GNG7: variants seen among roughly 807,000 people sequenced by gnomAD.
The protein encoded by GNG7 is guanine nucleotide-binding protein G(I)/G(S)/G(O) subunit gamma-7.
GNG7 carries 1 observed loss-of-function variant against 4.0 expected under a neutral mutation model. That is an observed-to-expected ratio of 0.25 (90% CI 0.09 to 1.18). The LOEUF (loss-of-function observed/expected upper bound fraction) is 1.18, where lower values mean the gene tolerates loss of function less well. Among genes scored for constraint, GNG7 ranks in the 50% most tolerant of loss-of-function variants. The probability of loss-of-function intolerance (pLI) is 0.50; values close to 1 mark genes in which losing one functional copy is unlikely to be tolerated. For synonymous variants in GNG7, 34 were observed against 36.9 expected (o/e 0.92, Z 0.29); for missense variants, 86 against 91.9 (o/e 0.94, Z 0.26).
At chr19:2,568,976 AACATAC>A (rs1262411124) in intron 2 of GNG7, among the ~76,000 whole-genome samples, 2 of 151,878 alleles carry the variant, frequency 1.3e-5, no homozygotes, top group African/African-American at 4.8e-5. Flanking sequence ...TGTGCACAAA[AACATAC>A]ACATACACAT....
At chr19:2,576,038 C>A (rs113974014) in intron 2 of GNG7, among the ~76,000 whole-genome samples, 1 of 75,110 alleles carries the variant, frequency 1.3e-5, no homozygotes, top group Non-Finnish European at 2.4e-5. Flanking sequence ...CACACAGACA[C>A]ACACAGACAC....
chr19:2,686,753 CTTTT>C (rs1224590104), intron 1 of GNG7, among the ~76,000 whole-genome samples: 3 of 140,436 alleles, frequency 2.1e-5, no homozygotes, highest in Admixed American at 7.2e-5. Context: ...TTTTTTCTTT[CTTTT>C]TTTTTTTTTT....
At chr19:2,576,229 C>T (rs1980334963) in intron 2 of GNG7, among the ~76,000 whole-genome samples, 1 of 152,264 alleles carries the variant, frequency 6.6e-6, no homozygotes, top group South Asian at 2.1e-4. Context: ...AGTGGGGCGG[C>T]CTCGGATGAC....
chr19:2,566,928 C>A (rs1979928353), intron 2 of GNG7, among the ~76,000 whole-genome samples: 1 of 152,040 alleles, frequency 6.6e-6, no homozygotes, highest in South Asian at 2.1e-4. Context: ...CATGGTGAAA[C>A]CCCGTGTCTA....
chr19:2,653,992 G>A lies in GNG7; in HGVS notation c.-134-7712C>T, dbSNP rs546538167. ...CAGCACCCTGGGCCCCCCACCGCCG[G>A]GTCTGGGACACAGATGCTCTCCTCC... On this transcript the variant is annotated intron_variant, in intron 1 of 4. Coordinates refer to ENST00000382159, the MANE Select transcript of GNG7 (RefSeq NM_052847.3). The surrounding 1 kb of genome is among the most constrained non-coding windows in gnomAD (Gnocchi z 4.8). Among the ~76,000 whole-genome samples, 1 of 152,312 alleles carries A rather than the reference G, an allele frequency of 6.6e-6. No individual in the cohort carries two copies. The highest frequency in any genetic ancestry group is 1.9e-4 in the East Asian group (1 of 5,168).
chr19:2,578,193 C>T (rs958147701), intron 2 of GNG7, among the ~76,000 whole-genome samples: 2 of 151,920 alleles, frequency 1.3e-5, no homozygotes, highest in African/African-American at 2.4e-5. Context: ...TTCTTAGGGG[C>T]TTTGAGGGTC....
chr19:2,687,702 G>A (rs182101856), intron 1 of GNG7, among the ~76,000 whole-genome samples: 124 of 151,692 alleles, frequency 8.2e-4, no homozygotes, highest in Admixed American at 1.5e-3. Context: ...GATGCCGGGC[G>A]CGGTGGCTCA....
chr19:2,550,098 C>T (rs10421139), intron 3 of GNG7, among the ~76,000 whole-genome samples: 47,705 of 152,038 alleles, frequency 0.31, 7,623 homozygotes, highest in East Asian at 0.4. Context: ...CCCTGATTCT[C>T]AGAATCCCTG....
chr19:2,702,374 C>G (rs1257811302), intron 1 of GNG7, among the ~76,000 whole-genome samples: 1 of 139,380 alleles, frequency 7.2e-6, no homozygotes, highest in Admixed American at 7.1e-5. Context: ...CTGCAACTCC[C>G]GCCCCCTCCC....
At position 2,512,302 on chromosome 19, in the gene GNG7, G is replaced by A; in HGVS notation, c.*2720C>T. The A allele has an allele frequency of 1.0e-6, 1 of 985,770 alleles. No homozygotes were observed. The highest frequency in any genetic ancestry group is 1.7e-5 in the African/African-American group (1 of 57,316). The allele number at this position is 985,770 out of a possible 1,614,324, so 61.1% of individuals were successfully genotyped here. A position where few individuals can be genotyped will look rare whatever the true frequency, so the allele number is the denominator to read the frequency against. On this transcript the variant is annotated 3_prime_UTR_variant, in exon 5 of 5. Transcript: ENST00000382159. This position sits in a 1 kb window ranked among gnomAD's most constrained non-coding sequence, Gnocchi z 4.7. The stretch of plus-strand genomic sequence containing the variant: ...TGGCGGTCGGTGTGTGCACTCGGGT[G>A]CCACGTCTGCAAAGGTATTTTCCAC...
At chr19:2,612,162 C>T (rs1242698771) in intron 2 of GNG7, among the ~76,000 whole-genome samples, 4 of 152,092 alleles carry the variant, frequency 2.6e-5, no homozygotes, top group Non-Finnish European at 5.9e-5. Context: ...TGTGAGCCAG[C>T]GCGCCCGGCC....
chr19:2,686,735 T>C (rs975143978), intron 1 of GNG7, among the ~76,000 whole-genome samples: 13 of 151,630 alleles, frequency 8.6e-5, no homozygotes, highest in African/African-American at 3.2e-4. Context: ...AAAGAGACTT[T>C]ACTTACTTTT....
intron 2 of GNG7, among the ~76,000 whole-genome samples, chr19:2,591,349 A>G (rs1980844744): frequency 6.6e-6 from 1 of 152,082 alleles, no homozygotes; most frequent in East Asian, 1.9e-4. Flanking sequence ...CTCTTGTAAG[A>G]TGGCAATAAT....
In GNG7 at chr19:2,575,764, GGC is replaced by G. The variant is rs1324753513; in HGVS notation, c.-77-20578_-77-20577del. 1.4e-4 allele frequency among the ~76,000 whole-genome samples: 13 copies of G among 93,548 alleles called. 1 individual carries two copies. Among genetic ancestry groups the G allele is most frequent in the African/African-American group, 7.9e-4 (13 of 16,524 alleles). The allele number at this position is 93,548 out of a possible 152,430, so 61.4% of individuals were successfully genotyped here. A position where few individuals can be genotyped will look rare whatever the true frequency, so the allele number is the denominator to read the frequency against. On this transcript the variant is annotated intron_variant, in intron 2 of 4. Transcript: ENST00000382159. The stretch of plus-strand genomic sequence containing the variant: ...ACACGCAGGCACACGCAGACACGCA[GGC>G]ACACGCAGGCACATGCAGACACGCA...
At chr19:2,661,214 A>G (rs1371137610) in intron 1 of GNG7, among the ~76,000 whole-genome samples, 6 of 148,594 alleles carry the variant, frequency 4.0e-5, no homozygotes. Flanking sequence ...TCTGTCTCAA[A>G]AAAAAAAAAA....
intron 2 of GNG7, among the ~76,000 whole-genome samples, chr19:2,574,292 C>T (rs1338875978): frequency 6.6e-6 from 1 of 152,218 alleles, no homozygotes; most frequent in Non-Finnish European, 1.5e-5. Context: ...TCTCTTTTCT[C>T]ACTACAATGT....
Position 2,634,172 on chromosome 19 carries a change from G to A in GNG7, c.-78+12052C>T, listed in dbSNP as rs566768149. ...CGTTTATGGTGCCTATCATGAGCAG[G>A]AAAATAACTCGAATTTTTTTCCCCA... On this transcript the variant is annotated intron_variant, in intron 2 of 4. Transcript: ENST00000382159. The surrounding 1 kb of genome is among the most constrained non-coding windows in gnomAD (Gnocchi z 5.3). Among the ~76,000 whole-genome samples, 1 of 152,066 alleles carries A rather than the reference G, an allele frequency of 6.6e-6. No individual in the cohort carries two copies. The highest frequency in any genetic ancestry group is 6.5e-5 in the Admixed American group (1 of 15,274).
At chr19:2,548,115 C>T (rs940684489) in intron 3 of GNG7, among the ~76,000 whole-genome samples, 2 of 152,146 alleles carry the variant, frequency 1.3e-5, no homozygotes, top group African/African-American at 2.4e-5. Context: ...AAACTACAGG[C>T]CCAGGGAGCT....
intron 2 of GNG7, among the ~76,000 whole-genome samples, chr19:2,594,405 G>GGGAAGGAAGGAAGGAA (rs36015482): frequency 0.01 from 1,436 of 136,828 alleles, 19 homozygotes; most frequent in African/African-American, 0.026. Flanking sequence ...GAAAGAAGGA[G>GGGAAGGAAGGAAGGAA]GGAAGGAAGG....
Sources: allele counts gnomAD v4.1 joint callset (sites outside exome capture counted in the v4.1 genomes callset), GRCh38; gene constraint gnomAD v4.1.1; non-coding constraint Gnocchi (gnomAD v3.1); transcripts MANE v1.5; gene names NCBI Gene and HGNC (gene_info 2026-07-23, HGNC 2026-07-21).